The following LLGL2 variants were observed in gnomAD, a reference collection of about 807,000 sequenced individuals.
LLGL2 encodes LLGL2, scribble cell polarity complex component.
Under a neutral mutation model 123.2 loss-of-function variants are expected in LLGL2, and 81 were observed. The observed-to-expected ratio is 0.66, with a 90% confidence interval of 0.55 to 0.79. The LOEUF is 0.79. LLGL2 is among the 30% of genes least tolerant of loss of function. LLGL2 has a pLI of 0.00. For missense variants in LLGL2, 1,273 were observed against 1,414.6 expected (o/e 0.90, Z 1.61); for synonymous variants, 577 against 594.1 (o/e 0.97, Z 0.42).
chr17:75,527,923 G>A (rs1044160450), intron 1 of LLGL2, among the ~76,000 whole-genome samples: 1 of 151,214 alleles, frequency 6.6e-6, no homozygotes, highest in Admixed American at 6.6e-5. Flanking sequence ...GAGTAGCTGG[G>A]ACTACAAGCG....
At chr17:75,555,832 G>A (rs2054885917) in intron 2 of LLGL2, among the ~76,000 whole-genome samples, 1 of 152,198 alleles carries the variant, frequency 6.6e-6, no homozygotes, top group Non-Finnish European at 1.5e-5. Context: ...TCAGCTCGCA[G>A]GGGTGGCCAT....
In LLGL2 at chr17:75,558,840, C is replaced by T. The variant is rs2055046411; in HGVS notation, c.371+213C>T. 3 of 376,256 alleles carry T rather than the reference C, an allele frequency of 8.0e-6. No individual in the cohort carries two copies. The highest frequency in any genetic ancestry group is 6.6e-5 in the South Asian group (2 of 30,242). 23.3% of individuals were successfully genotyped at this position (376,256 alleles called of 1,614,324 possible). ...ATCCACACCACGCCTCCTCCATCCG[C>T]ACCCCACCTCCTCCATCCGCACCCC... is the stretch of plus-strand genomic sequence containing the variant. On this transcript the variant is annotated intron_variant, in intron 5 of 25. Coordinates refer to ENST00000392550, the MANE Select transcript of LLGL2 (RefSeq NM_001031803.2). The surrounding 1 kb of genome is among the most constrained non-coding windows in gnomAD (Gnocchi z 4.0).
At chr17:75,526,391 A>G (rs575093249) in intron 1 of LLGL2, among the ~76,000 whole-genome samples, 2 of 152,332 alleles carry the variant, frequency 1.3e-5, no homozygotes, top group East Asian at 3.9e-4. Context: ...GGACACCTTC[A>G]CATGACAGTG....
rs990317162 is a variant in LLGL2 at position 75,525,884 on chromosome 17, G to C, written c.-31+59G>C. 1.3e-5 allele frequency: 2 copies of C among 151,934 alleles called. No individual in the cohort carries two copies. The highest frequency in any genetic ancestry group is 2.9e-5 in the Non-Finnish European group (2 of 67,954). 9.4% of individuals were successfully genotyped at this position (151,934 alleles called of 1,614,324 possible). A position where few individuals can be genotyped will look rare whatever the true frequency, so the allele number is the denominator to read the frequency against. ...CGCCCCCTCGGGGCTTCCACCTGGGGCGGGGAGGCCAGGGAGGCCCAGGAC... is the reference window on the plus strand; with the variant it reads ...CGCCCCCTCGGGGCTTCCACCTGGGCCGGGGAGGCCAGGGAGGCCCAGGAC... On this transcript the variant is annotated intron_variant, in intron 1 of 25. Transcript: ENST00000392550. The surrounding 1 kb of genome is among the most constrained non-coding windows in gnomAD (Gnocchi z 4.8).
chr17:75,553,980 AG>A (rs1167855392), intron 2 of LLGL2, among the ~76,000 whole-genome samples: 4 of 152,324 alleles, frequency 2.6e-5, no homozygotes, highest in Non-Finnish European at 1.5e-5. Flanking sequence ...GGATATCTAC[AG>A]GTAAAGAATA....
intron 6 of LLGL2, among the ~76,000 whole-genome samples, chr17:75,560,675 A>T (rs940638727): frequency 6.6e-6 from 1 of 150,534 alleles, no homozygotes; most frequent in Admixed American, 6.6e-5. Context: ...TAGTAGAGAC[A>T]GGGTTTCTCC....
intron 8 of LLGL2, 87 bp downstream of exon 8, chr17:75,563,550 G>C: frequency 1.9e-6 from 3 of 1,564,260 alleles, no homozygotes; most frequent in Non-Finnish European, 2.6e-6. Flanking sequence ...CAAACTCCAG[G>C]GCCAGAGAGG....
At chr17:75,535,490 A>T (rs1364792206) in intron 1 of LLGL2, among the ~76,000 whole-genome samples, 2 of 152,180 alleles carry the variant, frequency 1.3e-5, no homozygotes, top group Non-Finnish European at 2.9e-5. Flanking sequence ...TTCCCGAGCT[A>T]TGGAGGGAGT....
chr17:75,549,460 T>C lies in LLGL2; in HGVS notation c.75+5959T>C, dbSNP rs4077852. Among the ~76,000 whole-genome samples, 117,729 of 151,718 alleles carry C rather than the reference T, an allele frequency of 0.78. 46,406 individuals carry two copies. The highest frequency in any genetic ancestry group is 0.86 in the Non-Finnish European group (58,330 of 67,946). ...CCTTCCCTGCCCGTGCCCACCCTCC[T>C]CTGTCCCCTTAGGCCCTGAACAAAC... On this transcript the variant is annotated intron_variant, in intron 2 of 25. Coordinates refer to ENST00000392550, the MANE Select transcript of LLGL2 (RefSeq NM_001031803.2). This position sits in a 1 kb window ranked among gnomAD's most constrained non-coding sequence, Gnocchi z 4.0.
intron 2 of LLGL2, among the ~76,000 whole-genome samples, chr17:75,552,989 T>C (rs560031747): frequency 7.2e-4 from 109 of 152,324 alleles, no homozygotes; most frequent in African/African-American, 2.3e-3. Context: ...GGGAAAGTGC[T>C]GCTGTCCTGG....
chr17:75,528,881 G>A (rs544169101), intron 1 of LLGL2, among the ~76,000 whole-genome samples: 11 of 152,152 alleles, frequency 7.2e-5, no homozygotes, highest in East Asian at 2.0e-4. Flanking sequence ...AAATTAGGCC[G>A]GGCAAGGTGG....
intron 6 of LLGL2, chr17:75,562,254 A>G (rs1278948014): frequency 1.3e-5 from 2 of 152,196 alleles, no homozygotes; most frequent in Non-Finnish European, 2.9e-5. Flanking sequence ...TGGGGCTAAA[A>G]AACTTCTTTA....
intron 25 of LLGL2, 93 bp downstream of exon 25, chr17:75,574,761 T>C (rs35199943): frequency 0.27 from 433,416 of 1,588,096 alleles, 63,319 homozygotes; most frequent in Non-Finnish European, 0.31. Context: ...CCCACGGGGC[T>C]GACACGTGCC....
At chr17:75,530,107 C>T (rs2053721958) in intron 1 of LLGL2, among the ~76,000 whole-genome samples, 1 of 152,162 alleles carries the variant, frequency 6.6e-6, no homozygotes. Context: ...TCCGTCTGTC[C>T]CAGGCCTTTG....
chr17:75,548,300 G>A lies in LLGL2; in HGVS notation c.75+4799G>A, dbSNP rs562500462. 6.4e-5 allele frequency among the ~76,000 whole-genome samples: 8 copies of A among 125,554 alleles called. No individual in the cohort carries two copies. The East Asian group carries it at 1.6e-3, about 26-fold the overall frequency. The allele number at this position is 125,554 out of a possible 152,430, so 82.4% of individuals were successfully genotyped here. The stretch of plus-strand genomic sequence containing the variant: ...TTTCCTTTTTTTTTTTTTTTTGGAC[G>A]GAGTTTAGCTCTTGTTGCCCGGGCT... On this transcript the variant is annotated intron_variant, in intron 2 of 25. Transcript: ENST00000392550.
rs756629369 is a variant in LLGL2 at position 75,573,132 on chromosome 17, G to C, written c.2579G>C (p.Gly860Ala). The change falls in exon 20 of 26, where the codon GGG (glycine) becomes GCG (alanine). Residue 860 changes from glycine to alanine, a missense_variant. Transcript: ENST00000392550. ...GGCAGTCGTCGAGCCGAGGACTACG[G>C]GGAGCACCACCTGGCAGTCCTTACC... ...HFGSRRAEDYGEHHLAVLTNL... is the reference protein window; with the variant it reads ...HFGSRRAEDYAEHHLAVLTNL... The C allele has an allele frequency of 6.8e-6, 11 of 1,612,986 alleles. No homozygotes were observed. In the East Asian group the frequency reaches 2.2e-4, roughly 33 times the overall value.
chr17:75,568,340 A>C, intron 10 of LLGL2, 136 bp from the exon 11 acceptor site: 1 of 1,445,146 alleles, frequency 6.9e-7, no homozygotes, highest in South Asian at 1.5e-5. Context: ...GGAGATGGAA[A>C]GGCTTTGCTC....
In LLGL2 at chr17:75,558,881, ACCCCACCTCCT is replaced by A. The variant is rs1568052165; in HGVS notation, c.371+257_371+267del. ...TCCGCACCCCGCCTCCTCCATCCGC[ACCCCACCTCCT>A]CCATCCACACCACGCCTCCTCCATC... On this transcript the variant is annotated intron_variant, in intron 5 of 25. Transcript: ENST00000392550. This position sits in a 1 kb window ranked among gnomAD's most constrained non-coding sequence, Gnocchi z 4.0. 4.6e-5 allele frequency: 9 copies of A among 197,216 alleles called. 1 individual carries two copies. Among genetic ancestry groups the A allele is most frequent in the Admixed American group, 1.5e-4 (2 of 13,402 alleles). The allele number at this position is 197,216 out of a possible 1,614,324, so 12.2% of individuals were successfully genotyped here. A position where few individuals can be genotyped will look rare whatever the true frequency, so the allele number is the denominator to read the frequency against.
In LLGL2 at chr17:75,531,088, G is replaced by T. The variant is rs572675692; in HGVS notation, c.-31+5263G>T. Among the ~76,000 whole-genome samples the T allele has an allele frequency of 4.6e-5, 7 of 152,230 alleles. No homozygotes were observed. The South Asian group carries it at 1.2e-3, about 27-fold the overall frequency. ...TGGGTACACCCTCCTCACCCTGCTG[G>T]GTGGCAGGGCAGAGAGCACAGGCCT... On this transcript the variant is annotated intron_variant, in intron 1 of 25. Transcript: ENST00000392550.
Sources: allele counts gnomAD v4.1 joint callset (sites outside exome capture counted in the v4.1 genomes callset), GRCh38; gene constraint gnomAD v4.1.1; non-coding constraint Gnocchi (gnomAD v3.1); transcripts MANE v1.5; gene names NCBI Gene and HGNC (gene_info 2026-07-23, HGNC 2026-07-21).